TBCEL: variants seen among roughly 807,000 people sequenced by gnomAD.
TBCEL encodes the protein tubulin folding cofactor E like.
Under a neutral mutation model 44.2 loss-of-function variants are expected in TBCEL, and 15 were observed. The observed-to-expected ratio is 0.34, with a 90% CI of 0.23 to 0.52. The LOEUF (loss-of-function observed/expected upper bound fraction) is 0.52. Among genes scored for constraint, TBCEL ranks in the 20% least tolerant of loss-of-function variants. The pLI is 0.95. For synonymous variants in TBCEL, 171 were observed against 185.4 expected (o/e 0.92, Z 0.63); for missense variants, 319 against 506.3 (o/e 0.63, Z 3.55).
At chr11:121,059,166 A>G (rs1945674486) in intron 7 of TBCEL, among the ~76,000 whole-genome samples, 1 of 151,990 alleles carries the variant, frequency 6.6e-6, no homozygotes, top group Admixed American at 6.6e-5. Context: ...GTGGTTCTTT[A>G]AACAGGTTGT....
chr11:121,047,265 A>G (rs1216431952), intron 3 of TBCEL, among the ~76,000 whole-genome samples: 1 of 152,008 alleles, frequency 6.6e-6, no homozygotes, highest in African/African-American at 2.4e-5. Context: ...GGTAATTGAG[A>G]TAAACAATCC....
intron 4 of TBCEL, among the ~76,000 whole-genome samples, chr11:121,052,533 T>G (rs548977996): frequency 6.6e-6 from 1 of 152,026 alleles, no homozygotes; most frequent in South Asian, 2.1e-4. Context: ...CCTTTTCTTA[T>G]AGCTTTTACT....
chr11:121,044,882 A>G (rs951479178), intron 2 of TBCEL, among the ~76,000 whole-genome samples: 1 of 152,142 alleles, frequency 6.6e-6, no homozygotes, highest in African/African-American at 2.4e-5. Context: ...TAGGTAACTA[A>G]AAAATTGAGA....
At position 121,074,917 on chromosome 11, in the gene TBCEL, C is replaced by T. The variant is rs191784401; in HGVS notation, c.957-11861C>T. Among the ~76,000 whole-genome samples the T allele has an allele frequency of 4.8e-3, 730 of 152,080 alleles. 4 individuals carry two copies. The highest frequency in any genetic ancestry group is 8.2e-3 in the Non-Finnish European group (554 of 67,856). On this transcript the variant is annotated intron_variant, in intron 8 of 8. Coordinates refer to ENST00000683345, the MANE Select transcript of TBCEL (RefSeq NM_001363644.2). ...ATACAGCAAGATCCTGTGTACCCTT[C>T]ACCTAGTTTCCCTCAATTGTAAAAT...
At chr11:121,083,878 C>A (rs1406070029) in intron 8 of TBCEL, among the ~76,000 whole-genome samples, 1 of 152,108 alleles carries the variant, frequency 6.6e-6, no homozygotes, top group Non-Finnish European at 1.5e-5. Flanking sequence ...GTTGCTATAA[C>A]AATACCACAG....
At chr11:121,024,630 G>C (rs1487845708) in intron 1 of TBCEL, among the ~76,000 whole-genome samples, 1 of 152,144 alleles carries the variant, frequency 6.6e-6, no homozygotes, top group Non-Finnish European at 1.5e-5. Context: ...GTCTCACCTT[G>C]CCCCAGCGTG....
intron 8 of TBCEL, among the ~76,000 whole-genome samples, chr11:121,064,944 G>C (rs1338071201): frequency 1.3e-5 from 2 of 151,972 alleles, no homozygotes; most frequent in Non-Finnish European, 2.9e-5. Flanking sequence ...CTCCTGCTCA[G>C]CCTCCCGAGT....
At chr11:121,083,064 A>G (rs951017435) in intron 8 of TBCEL, among the ~76,000 whole-genome samples, 1 of 152,210 alleles carries the variant, frequency 6.6e-6, no homozygotes, top group Admixed American at 6.5e-5. Flanking sequence ...CATTGGCAAG[A>G]GAGTGTGGGA....
chr11:121,059,291 G>A (rs1036538380), intron 7 of TBCEL, among the ~76,000 whole-genome samples: 2 of 151,874 alleles, frequency 1.3e-5, no homozygotes, highest in African/African-American at 2.4e-5. Context: ...TGAAGAATAC[G>A]TCTTGCAGTA....
At chr11:121,048,741 A>G (rs1463107246) in intron 4 of TBCEL, among the ~76,000 whole-genome samples, 4 of 151,932 alleles carry the variant, frequency 2.6e-5, no homozygotes, top group African/African-American at 9.7e-5. Context: ...CCTTCATCAT[A>G]TGGCCCTTTG....
At chr11:121,059,744 A>T (rs1393750920) in intron 7 of TBCEL, among the ~76,000 whole-genome samples, 2 of 151,834 alleles carry the variant, frequency 1.3e-5, no homozygotes, top group Non-Finnish European at 2.9e-5. Flanking sequence ...GTGCAAGGGG[A>T]GGTATGATTA....
In TBCEL at chr11:121,087,867, T is replaced by G. The variant is rs1462656643; in HGVS notation, c.*771T>G. On this transcript the variant is annotated 3_prime_UTR_variant, in exon 9 of 9. Coordinates refer to ENST00000683345, the MANE Select transcript of TBCEL (RefSeq NM_001363644.2). Reference sequence around the variant, plus strand: ...CTCTTTGTATGTTACTAACTCACTTTTAATGTCCCTGTACATTATGTCAGC... The same window carrying G: ...CTCTTTGTATGTTACTAACTCACTTGTAATGTCCCTGTACATTATGTCAGC... 1 of 152,254 alleles carries G rather than the reference T, an allele frequency of 6.6e-6. No individual in the cohort carries two copies. The highest frequency in any genetic ancestry group is 2.4e-5 in the African/African-American group (1 of 41,476). The allele number at this position is 152,254 out of a possible 1,614,324, so 9.4% of individuals were successfully genotyped here. A position where few individuals can be genotyped will look rare whatever the true frequency, so the allele number is the denominator to read the frequency against.
At chr11:121,086,711 T>C in intron 8 of TBCEL, 67 bp from the exon 9 acceptor site, 1 of 1,175,874 alleles carries the variant, frequency 8.5e-7, no homozygotes, top group South Asian at 1.5e-5. Flanking sequence ...TTATCTGTAG[T>C]TGGGAAGAAG....
At chr11:121,055,366 A>G in intron 6 of TBCEL, 58 bp downstream of exon 6, 2 of 1,441,966 alleles carry the variant, frequency 1.4e-6, no homozygotes, top group Non-Finnish European at 1.8e-6. Flanking sequence ...TATGCATGAA[A>G]TACAATGAAA....
chr11:121,036,964 T>C (rs947640970), intron 2 of TBCEL, among the ~76,000 whole-genome samples: 4 of 152,230 alleles, frequency 2.6e-5, no homozygotes, highest in African/African-American at 7.2e-5. Context: ...TTTTAATGTT[T>C]GTAGTGCTTT....
At chr11:121,033,710 A>G (rs916729774) in intron 1 of TBCEL, among the ~76,000 whole-genome samples, 1 of 152,218 alleles carries the variant, frequency 6.6e-6, no homozygotes, top group Non-Finnish European at 1.5e-5. Context: ...AGTGGCATTA[A>G]GTACATTCAC....
intron 4 of TBCEL, among the ~76,000 whole-genome samples, chr11:121,052,080 T>C (rs781218907): frequency 6.6e-6 from 1 of 151,902 alleles, no homozygotes; most frequent in Non-Finnish European, 1.5e-5. Flanking sequence ...GGTGGAACCT[T>C]GGAATCAGCA....
intron 8 of TBCEL, among the ~76,000 whole-genome samples, chr11:121,060,555 A>G (rs2134963135): frequency 6.6e-6 from 1 of 152,154 alleles, no homozygotes; most frequent in Non-Finnish European, 1.5e-5. Context: ...GAAATATTAA[A>G]GGAATTAGTA....
intron 8 of TBCEL, among the ~76,000 whole-genome samples, chr11:121,061,539 T>A (rs1219839316): frequency 1.3e-5 from 2 of 152,066 alleles, no homozygotes; most frequent in East Asian, 3.8e-4. Context: ...CTAGGTGGTA[T>A]AGCCTACTAC....
Sources: allele counts gnomAD v4.1 joint callset (sites outside exome capture counted in the v4.1 genomes callset), GRCh38; gene constraint gnomAD v4.1.1; transcripts MANE v1.5; gene names NCBI Gene and HGNC (gene_info 2026-07-23, HGNC 2026-07-21).